CSMD3: variants seen among roughly 807,000 people sequenced by gnomAD.
The protein encoded by CSMD3 is CUB and sushi domain-containing protein 3.
Under a neutral mutation model 435.2 loss-of-function variants are expected in CSMD3, and 177 were observed. The ratio of observed to expected loss-of-function variants is 0.41; its 90% CI spans 0.36 to 0.46. The LOEUF (loss-of-function observed/expected upper bound fraction) is 0.46. Among genes scored for constraint, CSMD3 ranks in the 20% least tolerant of loss-of-function variants. The pLI, the probability that CSMD3 is intolerant of heterozygous loss-of-function variation, is 0.34. For missense variants in CSMD3, 4,265 were observed against 4,504.6 expected (o/e 0.95, Z 1.52); for synonymous variants, 1,656 against 1,520.5 (o/e 1.09, Z -2.07).
intron 3 of CSMD3, among the ~76,000 whole-genome samples, chr8:113,241,340 G>A (rs1391491342): frequency 1.3e-5 from 2 of 152,022 alleles, no homozygotes; most frequent in African/African-American, 2.4e-5. Flanking sequence ...CTGTGATTAT[G>A]GAAGGAGATT....
intron 23 of CSMD3, among the ~76,000 whole-genome samples, chr8:112,574,881 T>G (rs75230359): frequency 0.011 from 1,739 of 152,040 alleles, 30 homozygotes; most frequent in African/African-American, 0.039. Flanking sequence ...GGCCTGGTAT[T>G]AGAGTAAAAA....
chr8:112,820,170 T>C (rs2079488818), intron 12 of CSMD3, among the ~76,000 whole-genome samples: 1 of 152,278 alleles, frequency 6.6e-6, no homozygotes, highest in East Asian at 1.9e-4. Flanking sequence ...TCATATGTAC[T>C]TAATAATGAG....
chr8:113,281,652 A>G (rs1409165063), intron 2 of CSMD3, among the ~76,000 whole-genome samples: 1 of 151,950 alleles, frequency 6.6e-6, no homozygotes, highest in East Asian at 1.9e-4. Flanking sequence ...TAGGCCATTT[A>G]CATTCAATGT....
At chr8:112,769,690 T>A (rs565515238) in intron 13 of CSMD3, among the ~76,000 whole-genome samples, 2 of 152,008 alleles carry the variant, frequency 1.3e-5, no homozygotes, top group South Asian at 2.1e-4. Flanking sequence ...TTTAATTAGA[T>A]ATTTTGGTTG....
At chr8:112,278,833 C>T (rs926328751) in intron 59 of CSMD3, among the ~76,000 whole-genome samples, 10 of 152,126 alleles carry the variant, frequency 6.6e-5, no homozygotes, top group Non-Finnish European at 1.0e-4. Context: ...CAGCTGTGGG[C>T]TTAATTCAAA....
At chr8:112,543,005 T>C (rs10101060) in intron 27 of CSMD3, among the ~76,000 whole-genome samples, 31,630 of 151,928 alleles carry the variant, frequency 0.21, 4,058 homozygotes, top group East Asian at 0.47. Context: ...GGGGAGAGGA[T>C]AGTCTCCTTG....
chr8:113,100,524 C>T (rs2090298518), intron 4 of CSMD3, among the ~76,000 whole-genome samples: 1 of 152,058 alleles, frequency 6.6e-6, no homozygotes. Flanking sequence ...TTTAAACCAG[C>T]TCACTGAGCT....
At chr8:113,291,693 C>G (rs2093687576) in intron 2 of CSMD3, among the ~76,000 whole-genome samples, 1 of 151,680 alleles carries the variant, frequency 6.6e-6, no homozygotes, top group Non-Finnish European at 1.5e-5. Flanking sequence ...GTATCAGATA[C>G]TGAAAGGTTT....
At chr8:113,035,585 G>C (rs549008688) in intron 5 of CSMD3, among the ~76,000 whole-genome samples, 20 of 152,060 alleles carry the variant, frequency 1.3e-4, no homozygotes, top group Admixed American at 7.8e-4. Flanking sequence ...GATTGTATAT[G>C]TTTGTCAAAA....
At chr8:112,937,023 A>C (rs2083299863) in intron 9 of CSMD3, among the ~76,000 whole-genome samples, 1 of 152,100 alleles carries the variant, frequency 6.6e-6, no homozygotes, top group Non-Finnish European at 1.5e-5. Context: ...TAAAGTAGAC[A>C]ATCTATAGAG....
chr8:112,837,755 A>C (rs1476845640), intron 11 of CSMD3, among the ~76,000 whole-genome samples: 1 of 149,904 alleles, frequency 6.7e-6, no homozygotes, highest in Non-Finnish European at 1.5e-5. Context: ...CTAAAAATTT[A>C]CCTTTTTTGG....
At chr8:112,904,764 G>A (rs1419656984) in intron 10 of CSMD3, among the ~76,000 whole-genome samples, 1 of 151,362 alleles carries the variant, frequency 6.6e-6, no homozygotes, top group Non-Finnish European at 1.5e-5. Context: ...AATTGCCCTA[G>A]ATTTTCATCT....
At chr8:112,570,750 A>G (rs1382124929) in intron 24 of CSMD3, among the ~76,000 whole-genome samples, 1 of 152,202 alleles carries the variant, frequency 6.6e-6, no homozygotes, top group African/African-American at 2.4e-5. Flanking sequence ...TTTCCGAGAG[A>G]ATACAGCTCA....
intron 32 of CSMD3, among the ~76,000 whole-genome samples, chr8:112,468,311 T>G (rs1182526509): frequency 2.0e-5 from 3 of 151,780 alleles, no homozygotes; most frequent in Admixed American, 6.6e-5. Flanking sequence ...TGTCTTTCTC[T>G]TTGGGCTTTA....
Position 112,682,602 on chromosome 8 carries a change from T to A in CSMD3, c.2517A>T (p.Ile839=), listed in dbSNP as rs1282854620. The A allele has an allele frequency of 6.2e-7, 1 of 1,613,566 alleles. No individual in the cohort carries two copies. The highest frequency in any genetic ancestry group is 8.5e-7 in the Non-Finnish European group (1 of 1,179,494). The change falls in exon 16 of 71, where the codon ATA becomes ATT. Residue 839 remains isoleucine, a synonymous_variant. Transcript: ENST00000297405. ...FGHNECPDPG[I]PINARRFGDN... Reference sequence around the variant, plus strand: ...CCCCAAACCGCCGTGCATTGATTGGTATTCCAGGATCAGGGCATTCATTAT... The same window carrying A: ...CCCCAAACCGCCGTGCATTGATTGGAATTCCAGGATCAGGGCATTCATTAT...
At chr8:113,248,507 A>G (rs146280986) in intron 3 of CSMD3, among the ~76,000 whole-genome samples, 46 of 136,196 alleles carry the variant, frequency 3.4e-4, no homozygotes, top group African/African-American at 1.2e-3. Flanking sequence ...ACACACACAT[A>G]TATTTCCATA....
At chr8:112,422,753 A>G (rs1165261418) in intron 32 of CSMD3, among the ~76,000 whole-genome samples, 1 of 152,212 alleles carries the variant, frequency 6.6e-6, no homozygotes, top group Non-Finnish European at 1.5e-5. Context: ...TTATCTTACA[A>G]ATTCAAAATT....
At chr8:112,529,877 C>G (rs1424058582) in intron 27 of CSMD3, among the ~76,000 whole-genome samples, 1 of 151,966 alleles carries the variant, frequency 6.6e-6, no homozygotes, top group African/African-American at 2.4e-5. Context: ...ATCTGACAGA[C>G]AAATAAAAAT....
chr8:112,548,364 A>G (rs747048315), intron 27 of CSMD3, among the ~76,000 whole-genome samples: 2 of 152,142 alleles, frequency 1.3e-5, no homozygotes, highest in Non-Finnish European at 2.9e-5. Context: ...AGCTAATAAT[A>G]TATAACTGAA....
Sources: allele counts gnomAD v4.1 joint callset (sites outside exome capture counted in the v4.1 genomes callset), GRCh38; gene constraint gnomAD v4.1.1; transcripts MANE v1.5; gene names NCBI Gene and HGNC (gene_info 2026-07-23, HGNC 2026-07-21).